The following TTC23 variants were observed in gnomAD, a reference collection of about 807,000 sequenced individuals.
TTC23 encodes tetratricopeptide repeat domain 23.
Under a neutral mutation model 55.1 loss-of-function variants are expected in TTC23, and 58 were observed. The observed-to-expected ratio is 1.05, with a 90% CI of 0.85 to 1.31. TTC23 has a LOEUF of 1.31. TTC23 is among the 50% of genes most tolerant of loss of function. The probability of loss-of-function intolerance (pLI) is 0.00; values close to 1 mark genes in which losing one functional copy is unlikely to be tolerated. For synonymous variants in TTC23, 203 were observed against 199.9 expected (o/e 1.02, Z -0.13); for missense variants, 516 against 534.4 (o/e 0.97, Z 0.34).
At chr15:99,195,050 G>A (rs2075585061) in intron 9 of TTC23, among the ~76,000 whole-genome samples, 2 of 152,080 alleles carry the variant, frequency 1.3e-5, no homozygotes, top group Admixed American at 1.3e-4. Flanking sequence ...ATCACCAAAG[G>A]CACAATCCAT....
chr15:99,154,815 T>A (rs2070319123), intron 12 of TTC23, among the ~76,000 whole-genome samples: 1 of 152,166 alleles, frequency 6.6e-6, no homozygotes, highest in Non-Finnish European at 1.5e-5. Context: ...CTTAACATGA[T>A]AAAATATATA....
intron 11 of TTC23, chr15:99,158,522 T>A (rs1397615761): frequency 2.6e-5 from 4 of 152,254 alleles, no homozygotes; most frequent in African/African-American, 9.7e-5. Context: ...TTAGGTGGGA[T>A]GAGAAGAGGG....
chr15:99,238,803 G>A (rs1430244284), intron 3 of TTC23, among the ~76,000 whole-genome samples: 1 of 152,194 alleles, frequency 6.6e-6, no homozygotes, highest in Non-Finnish European at 1.5e-5. Context: ...TCAAATAAAT[G>A]GGTAAACAGG....
At chr15:99,192,349 G>T (rs888429489) in intron 9 of TTC23, among the ~76,000 whole-genome samples, 1 of 152,178 alleles carries the variant, frequency 6.6e-6, no homozygotes, top group Non-Finnish European at 1.5e-5. Flanking sequence ...AGGCCTGGAG[G>T]CTTAGGAGGA....
intron 2 of TTC23, among the ~76,000 whole-genome samples, chr15:99,242,438 G>A (rs1447616036): frequency 6.6e-6 from 1 of 152,102 alleles, no homozygotes; most frequent in African/African-American, 2.4e-5. Flanking sequence ...GAAACAACAT[G>A]AGTATTTTGA....
chr15:99,175,684 T>C (rs1352984772), intron 9 of TTC23, among the ~76,000 whole-genome samples: 2 of 152,224 alleles, frequency 1.3e-5, no homozygotes, highest in Non-Finnish European at 2.9e-5. Context: ...GCTCAGTTCC[T>C]TGAAAATAAA....
At chr15:99,150,379 G>A (rs1264570631) in intron 12 of TTC23, among the ~76,000 whole-genome samples, 1 of 152,258 alleles carries the variant, frequency 6.6e-6, no homozygotes, top group African/African-American at 2.4e-5. Flanking sequence ...TTCCCTCCAA[G>A]CTCCCAGCTG....
intron 10 of TTC23, among the ~76,000 whole-genome samples, chr15:99,163,652 T>C (rs920029576): frequency 1.3e-5 from 2 of 152,178 alleles, no homozygotes; most frequent in Non-Finnish European, 2.9e-5. Context: ...CTAACCCCCA[T>C]GGTGATGATA....
Position 99,139,332 on chromosome 15 carries a change from ATGGCCTGCTGGG to A in TTC23, c.1199_1210del (p.Thr400_Ala403del), listed in dbSNP as rs1567301246. ...GCCAACTCACGTGGACAGCATGCCC[ATGGCCTGCTGGG>A]TGGCCAGAGTCCTTTTGTCCTGCGG... On this transcript the variant is annotated inframe_deletion, in exon 13 of 14. Transcript: ENST00000394132. 6.2e-7 allele frequency: 1 copy of A among 1,613,508 alleles called. No individual in the cohort carries two copies.
intron 2 of TTC23, among the ~76,000 whole-genome samples, chr15:99,244,085 T>C (rs1005613141): frequency 6.6e-6 from 1 of 152,200 alleles, no homozygotes; most frequent in Non-Finnish European, 1.5e-5. Flanking sequence ...GCATCACATG[T>C]ATCTCATAAA....
At chr15:99,139,817 G>T (rs2068018740) in intron 12 of TTC23, 1 of 1,152,232 alleles carries the variant, frequency 8.7e-7, no homozygotes, top group Non-Finnish European at 1.2e-6. Flanking sequence ...TATATAGGCT[G>T]TCTATACTCT....
upstream of TTC23, chr15:99,249,750 T>A (rs1260897144): frequency 6.6e-6 from 1 of 152,230 alleles, no homozygotes; most frequent in Non-Finnish European, 1.5e-5. Context: ...CTGTTGATAT[T>A]GAAGTTTGTC....
At chr15:99,150,440 T>C (rs782364012) in intron 12 of TTC23, among the ~76,000 whole-genome samples, 6 of 152,236 alleles carry the variant, frequency 3.9e-5, no homozygotes, top group Non-Finnish European at 8.8e-5. Flanking sequence ...TGGTAAATAT[T>C]GTAGACGTAA....
At chr15:99,175,191 T>C in intron 9 of TTC23, 36 bp from the exon 10 acceptor site, 2 of 1,566,646 alleles carry the variant, frequency 1.3e-6, no homozygotes, top group Non-Finnish European at 1.8e-6. Context: ...GTTGTTTACA[T>C]ACTTGGCAGC....
chr15:99,159,862 A>G (rs1470223045), intron 11 of TTC23: 1 of 152,332 alleles, frequency 6.6e-6, no homozygotes, highest in Non-Finnish European at 1.5e-5. Flanking sequence ...AGAGATAGGA[A>G]CTTGTTAGAG....
chr15:99,237,735 G>A (rs2079439670), intron 3 of TTC23, among the ~76,000 whole-genome samples: 1 of 152,128 alleles, frequency 6.6e-6, no homozygotes, highest in Admixed American at 6.6e-5. Context: ...ACTTTTTGTG[G>A]TGGTGGATAT....
At chr15:99,169,755 G>C (rs1214592796) in intron 10 of TTC23, among the ~76,000 whole-genome samples, 4 of 152,242 alleles carry the variant, frequency 2.6e-5, no homozygotes, top group Non-Finnish European at 5.9e-5. Context: ...AATGTGGCTA[G>C]AGGCTAGGAC....
intron 12 of TTC23, chr15:99,139,941 A>G (rs13329354): frequency 0.012 from 4,174 of 346,466 alleles, 160 homozygotes; most frequent in African/African-American, 0.08. Context: ...TTGCCATTTG[A>G]TTGCTTGTAG....
intron 9 of TTC23, among the ~76,000 whole-genome samples, chr15:99,199,147 T>C (rs758826349): frequency 5.3e-5 from 8 of 152,102 alleles, no homozygotes; most frequent in South Asian, 2.1e-4. Context: ...ATCAAATCAG[T>C]TGAAGACCTA....
Sources: gnomAD v4.1 joint callset for allele counts (sites outside exome capture counted in the v4.1 genomes callset) on GRCh38, gnomAD v4.1.1 for gene constraint, MANE v1.5 for transcripts, NCBI Gene and HGNC (gene_info 2026-07-23, HGNC 2026-07-21) for gene names.